SORCS2: variants seen among roughly 807,000 people sequenced by gnomAD.
SORCS2 encodes the protein sortilin related VPS10 domain containing receptor 2.
A neutral mutation model predicts 141.6 loss-of-function variants in SORCS2; 100 were observed. The ratio of observed to expected loss-of-function variants is 0.71; its 90% CI spans 0.60 to 0.83. The LOEUF (loss-of-function observed/expected upper bound fraction) is 0.83. Ranked by LOEUF, SORCS2 falls within the 40% of genes least tolerant of loss-of-function variation. The pLI, the probability that SORCS2 is intolerant of heterozygous loss-of-function variation, is 0.00. For synonymous variants in SORCS2, 789 were observed against 676.9 expected, an observed-to-expected ratio of 1.17 and a Z score of -2.57; for missense variants, 1,646 against 1,560.2, an observed-to-expected ratio of 1.05 and a Z score of -0.93.
intron 1 of SORCS2, among the ~76,000 whole-genome samples, chr4:7,337,876 C>T (rs1720088197): frequency 6.6e-6 from 1 of 152,202 alleles, no homozygotes; most frequent in Non-Finnish European, 1.5e-5. Flanking sequence ...GCCACCCACA[C>T]ATGCTCCCAC....
chr4:7,700,279 G>T (rs1270909167), intron 12 of SORCS2, among the ~76,000 whole-genome samples: 1 of 152,206 alleles, frequency 6.6e-6, no homozygotes, highest in Non-Finnish European at 1.5e-5. Context: ...TGAGCCCCTC[G>T]TCCTGTGGCA....
At position 7,663,764 on chromosome 4, in the gene SORCS2, T is replaced by A. The variant is rs1367715151; in HGVS notation, c.953-589T>A. 2.6e-5 allele frequency among the ~76,000 whole-genome samples: 4 copies of A among 152,128 alleles called. No homozygotes were observed. The highest frequency in any genetic ancestry group is 2.1e-4 in the South Asian group (1 of 4,828). On this transcript the variant is annotated intron_variant, in intron 6 of 26. Coordinates refer to ENST00000507866, the MANE Select transcript of SORCS2 (RefSeq NM_020777.3). This position sits in a 1 kb window ranked among gnomAD's most constrained non-coding sequence, Gnocchi z 4.8. ...AGGAGGAGGAGGAGGCACCCTTCCC[T>A]TGGTCCCCTTGGATAAATCTTCCTC...
At chr4:7,563,608 C>T (rs772934766) in intron 3 of SORCS2, among the ~76,000 whole-genome samples, 1 of 152,202 alleles carries the variant, frequency 6.6e-6, no homozygotes, top group African/African-American at 2.4e-5. Flanking sequence ...TTTCTGGGAG[C>T]ACGTTCCTTG....
At chr4:7,384,255 T>C (rs1723156953) in intron 1 of SORCS2, among the ~76,000 whole-genome samples, 1 of 152,056 alleles carries the variant, frequency 6.6e-6, no homozygotes. Flanking sequence ...TTCCCCCAAA[T>C]GGGGACAACA....
chr4:7,321,179 G>A (rs1355545704), intron 1 of SORCS2, among the ~76,000 whole-genome samples: 1 of 152,124 alleles, frequency 6.6e-6, no homozygotes, highest in Non-Finnish European at 1.5e-5. Flanking sequence ...CCATTTATAA[G>A]TGAGAACATA....
At position 7,734,069 on chromosome 4, in the gene SORCS2, C is replaced by T. The variant is rs181501752; in HGVS notation, c.3209-203C>T. On this transcript the variant is annotated intron_variant, in intron 24 of 26. Coordinates refer to ENST00000507866, the MANE Select transcript of SORCS2 (RefSeq NM_020777.3). The stretch of plus-strand genomic sequence containing the variant: ...GGTGGGGGACAGGAAGAGGTCAAGC[C>T]GGGAATGGGCTGGGGAAGGGCTGGG... Among the ~76,000 whole-genome samples, 143 of 146,422 alleles carry T rather than the reference C, an allele frequency of 9.8e-4. 1 individual carries two copies. Among genetic ancestry groups the T allele is most frequent in the African/African-American group, 3.2e-3 (127 of 39,816 alleles).
intron 1 of SORCS2, among the ~76,000 whole-genome samples, chr4:7,329,238 C>T (rs1163219773): frequency 6.6e-6 from 1 of 152,202 alleles, no homozygotes; most frequent in East Asian, 1.9e-4. Flanking sequence ...GGCCCGGGGC[C>T]TGGGAGGGCA....
At chr4:7,667,310 C>A in intron 8 of SORCS2, 97 bp downstream of exon 8, 1 of 1,145,728 alleles carries the variant, frequency 8.7e-7, no homozygotes. Context: ...CTTGGCGGTC[C>A]CAGGTCAGGA....
Position 7,714,389 on chromosome 4 carries a change from C to T in SORCS2, c.2123+16C>T, listed in dbSNP as rs1434129571. 1 of 1,548,426 alleles carries T rather than the reference C, an allele frequency of 6.5e-7. No individual in the cohort carries two copies. The highest frequency in any genetic ancestry group is 2.0e-5 in the Admixed American group (1 of 50,948). ...ACTTCCTGTGGTGAGCGACGGGCTC[C>T]TGGCCACGAGGCCTCAGGCGCTGCT... On this transcript the variant is annotated intron_variant, in intron 16 of 26. Coordinates refer to ENST00000507866, the MANE Select transcript of SORCS2 (RefSeq NM_020777.3).
chr4:7,618,892 G>A (rs373427816), intron 3 of SORCS2, among the ~76,000 whole-genome samples: 9 of 152,194 alleles, frequency 5.9e-5, no homozygotes, highest in Admixed American at 1.3e-4. Flanking sequence ...AGTCTCGGGC[G>A]GGGGCAGGAA....
At chr4:7,418,852 T>C (rs978667984) in intron 2 of SORCS2, among the ~76,000 whole-genome samples, 3 of 152,208 alleles carry the variant, frequency 2.0e-5, no homozygotes, top group African/African-American at 2.4e-5. Context: ...CAGCCAATTA[T>C]CTTGGTGGCT....
At chr4:7,496,854 A>C (rs979413328) in intron 2 of SORCS2, among the ~76,000 whole-genome samples, 4 of 152,178 alleles carry the variant, frequency 2.6e-5, no homozygotes, top group Admixed American at 2.6e-4. Flanking sequence ...GGCTCCGGGC[A>C]CAACTCAGCT....
intron 20 of SORCS2, among the ~76,000 whole-genome samples, chr4:7,726,135 C>T (rs1157460803): frequency 2.6e-5 from 4 of 152,228 alleles, no homozygotes; most frequent in Admixed American, 2.0e-4. Flanking sequence ...CTGAGCTGGG[C>T]ACTGGCTTGG....
At chr4:7,561,753 A>C (rs1000192789) in intron 3 of SORCS2, among the ~76,000 whole-genome samples, 2 of 151,436 alleles carry the variant, frequency 1.3e-5, no homozygotes, top group Non-Finnish European at 2.9e-5. Flanking sequence ...TCATCCACCC[A>C]TCTCTCCCTC....
chr4:7,390,225 G>T (rs1723766561), intron 1 of SORCS2, among the ~76,000 whole-genome samples: 1 of 152,188 alleles, frequency 6.6e-6, no homozygotes, highest in Admixed American at 6.5e-5. Flanking sequence ...TTTAGTAGTA[G>T]TATTTGGTGC....
chr4:7,698,854 T>G (rs1724873161), intron 12 of SORCS2, among the ~76,000 whole-genome samples: 2 of 29,714 alleles, frequency 6.7e-5, no homozygotes, highest in South Asian at 6.9e-4. Context: ...CTCCTGTGGG[T>G]TTTTTTTTAA....
At chr4:7,299,107 G>C (rs968038373) in intron 1 of SORCS2, among the ~76,000 whole-genome samples, 1 of 152,264 alleles carries the variant, frequency 6.6e-6, no homozygotes, top group East Asian at 1.9e-4. Context: ...GGTGAGACAG[G>C]CTGGGGGAGG....
rs866338072 is a variant in SORCS2, at chr4:7,704,105, C to T, written c.1761-72C>T. 41 of 1,430,770 alleles carry T rather than the reference C, an allele frequency of 2.9e-5. No homozygotes were observed. The African/African-American group carries it at 3.0e-4, about 10-fold the overall frequency. 88.6% of individuals were successfully genotyped at this position (1,430,770 alleles called of 1,614,324 possible). A position where few individuals can be genotyped will look rare whatever the true frequency, so the allele number is the denominator to read the frequency against. On this transcript the variant is annotated intron_variant, in intron 13 of 26. Transcript: ENST00000507866. Reference sequence around the variant, plus strand: ...CAGCCTCCGCCCCTCCAGCTGGACCCGCCGGGCAGAGTCCCAGACACAGGG... The same window carrying T: ...CAGCCTCCGCCCCTCCAGCTGGACCTGCCGGGCAGAGTCCCAGACACAGGG...
In SORCS2 at chr4:7,285,947, C is replaced by T. The variant is rs995189271; in HGVS notation, c.480+92821C>T. Among the ~76,000 whole-genome samples, 12 of 152,254 alleles carry T rather than the reference C, an allele frequency of 7.9e-5. No individual in the cohort carries two copies. In the Middle Eastern group the frequency reaches 0.01, roughly 129 times the overall value. On this transcript the variant is annotated intron_variant, in intron 1 of 26. Coordinates refer to ENST00000507866, the MANE Select transcript of SORCS2 (RefSeq NM_020777.3). ...CCGACAGCCTGGGGCTGCAGTGTAG[C>T]GTGGAGGCCCAGTGCGGGGACCAGC...
Sources: allele counts gnomAD v4.1 joint callset (sites outside exome capture counted in the v4.1 genomes callset), GRCh38; gene constraint gnomAD v4.1.1; non-coding constraint Gnocchi (gnomAD v3.1); transcripts MANE v1.5; gene names NCBI Gene and HGNC (gene_info 2026-07-23, HGNC 2026-07-21).